NBPF3: variants seen among roughly 807,000 people sequenced by gnomAD.
The protein encoded by NBPF3 is NBPF family member NBPF3.
NBPF3 carries 57 observed loss-of-function variants against 78.1 expected under a neutral mutation model. That is an observed-to-expected ratio of 0.73 (90% confidence interval 0.59 to 0.91). The LOEUF (loss-of-function observed/expected upper bound fraction) is 0.91, where lower values mean the gene tolerates loss of function less well. Among genes scored for constraint, NBPF3 ranks in the 40% least tolerant of loss-of-function variants. The pLI is 0.00. For missense variants in NBPF3, 510 were observed against 715.3 expected (o/e 0.71, Z 3.27); for synonymous variants, 182 against 271.7 (o/e 0.67, Z 3.25).
At chr1:21,461,360 T>TA (rs1337073333) in intron 2 of NBPF3, among the ~76,000 whole-genome samples, 4 of 147,904 alleles carry the variant, frequency 2.7e-5, no homozygotes, top group Admixed American at 1.4e-4. Context: ...AACAATAGGA[T>TA]ATTACTTGGC....
chr1:21,472,965 G>A (rs766570627), intron 6 of NBPF3, 50 bp downstream of exon 6: 1 of 1,352,126 alleles, frequency 7.4e-7, no homozygotes, highest in South Asian at 1.2e-5. Context: ...ATATGAAAAA[G>A]GTCTAGGAGG....
At chr1:21,440,580 G>C (rs1640577646) in intron 1 of NBPF3, among the ~76,000 whole-genome samples, 1 of 152,204 alleles carries the variant, frequency 6.6e-6, no homozygotes, top group African/African-American at 2.4e-5. Flanking sequence ...AAACTCGCTG[G>C]CGGGTGTTCT....
chr1:21,479,848 G>GTGTGTGTGTGTGTGTGTGTC (rs746655034), intron 10 of NBPF3, among the ~76,000 whole-genome samples: 1 of 121,784 alleles, frequency 8.2e-6, no homozygotes, highest in Non-Finnish European at 1.8e-5. Context: ...GTGTGTGTGT[G>GTGTGTGTGTGTGTGTGTGTC]TGTGTATGTG....
intron 1 of NBPF3, among the ~76,000 whole-genome samples, chr1:21,442,753 C>T (rs1419228669): frequency 2.6e-5 from 4 of 151,964 alleles, no homozygotes; most frequent in Admixed American, 6.5e-5. Context: ...ACCTCCATCT[C>T]CTGGCTCAAG....
intron 8 of NBPF3, 148 bp downstream of exon 8, chr1:21,475,099 T>C: frequency 1.4e-6 from 1 of 707,802 alleles, no homozygotes; most frequent in East Asian, 3.1e-5. Flanking sequence ...ACATTATTTG[T>C]GGCCCTTGTG....
rs747693353 is a variant in NBPF3 at position 21,473,525 on chromosome 1, T to C, written c.880T>C (p.Ser294Pro). 6.2e-7 allele frequency: 1 copy of C among 1,614,246 alleles called. No homozygotes were observed. Among genetic ancestry groups the C allele is most frequent in the Non-Finnish European group, 8.5e-7 (1 of 1,180,048 alleles). The change falls in exon 7 of 15, where the codon TCA becomes CCA. Residue 294 changes from serine to proline, a missense_variant. This residue lies in a region of NBPF3 where 440 missense variants were observed against 478.2 expected (regional missense o/e 0.92). Transcript: ENST00000318249. The stretch of plus-strand genomic sequence containing the variant: ...CACATTTGAGGAAGACCAAGTCGAC[T>C]CAACTCTCATTGACTCATCCTCTCA... ...RITFEEDQVDSTLIDSSSHDE... is the reference protein window; with the variant it reads ...RITFEEDQVDPTLIDSSSHDE...
Position 21,468,725 on chromosome 1 carries a change from G to T in NBPF3, c.171G>T (p.Met57Ile), listed in dbSNP as rs778127881. 36 of 1,613,388 alleles carry T rather than the reference G, an allele frequency of 2.2e-5. 2 individuals carry two copies. In the South Asian group the frequency reaches 3.6e-4, roughly 16 times the overall value. Residue 57 changes from methionine (M) to isoleucine (I), a missense_variant, in exon 3 of 15, where the codon ATG becomes ATT. Physicochemically the swap from Met to Ile is conservative, Grantham distance 10. This residue lies in a region of NBPF3 where 440 missense variants were observed against 478.2 expected (regional missense o/e 0.92). Transcript: ENST00000318249. ...GPTSSATNVS[M>I]VVSAGPWSGE... ...CCTCTTCTGCCACAAACGTCAGCATGGTGGTATCTGCCGGCCCTTGGTCCG... is the reference window on the plus strand; with the variant it reads ...CCTCTTCTGCCACAAACGTCAGCATTGTGGTATCTGCCGGCCCTTGGTCCG...
intron 1 of NBPF3, chr1:21,442,322 C>G (rs1326052497): frequency 1.3e-5 from 2 of 152,150 alleles, no homozygotes; most frequent in African/African-American, 4.8e-5. Flanking sequence ...CTCAGATGAT[C>G]CCCCTGCCTC....
intron 2 of NBPF3, chr1:21,467,178 A>T (rs1283378660): frequency 1.0e-6 from 1 of 985,492 alleles, no homozygotes; most frequent in Non-Finnish European, 1.2e-6. Flanking sequence ...CGGTTTCCTT[A>T]CAGTGTCATT....
At chr1:21,457,451 A>G (rs1211215204) in intron 2 of NBPF3, among the ~76,000 whole-genome samples, 1 of 151,742 alleles carries the variant, frequency 6.6e-6, no homozygotes, top group Admixed American at 6.6e-5. Flanking sequence ...ATAAGAAACA[A>G]CACAATGAAA....
intron 2 of NBPF3, among the ~76,000 whole-genome samples, chr1:21,449,460 T>G (rs1195822325): frequency 6.6e-6 from 1 of 151,380 alleles, no homozygotes; most frequent in Admixed American, 6.6e-5. Context: ...CGAACCATCT[T>G]TATTTATTTA....
chr1:21,441,658 G>A (rs1345997719), intron 1 of NBPF3, among the ~76,000 whole-genome samples: 2 of 147,282 alleles, frequency 1.4e-5, no homozygotes, highest in Admixed American at 6.9e-5. Flanking sequence ...AGTGAGCCGT[G>A]ATCATGGCAG....
chr1:21,456,351 C>T (rs904842653), intron 2 of NBPF3, among the ~76,000 whole-genome samples: 3 of 152,166 alleles, frequency 2.0e-5, no homozygotes, highest in African/African-American at 7.2e-5. Flanking sequence ...TATGCTGAGC[C>T]ATCCTTAGTA....
chr1:21,455,005 G>A (rs1158978658), intron 2 of NBPF3, among the ~76,000 whole-genome samples: 1 of 152,110 alleles, frequency 6.6e-6, no homozygotes, highest in African/African-American at 2.4e-5. Flanking sequence ...TCAGTTCCTT[G>A]TGACTGTAGG....
chr1:21,467,919 T>G (rs1220427463), intron 2 of NBPF3, among the ~76,000 whole-genome samples: 2 of 151,924 alleles, frequency 1.3e-5, no homozygotes, highest in Admixed American at 1.3e-4. Flanking sequence ...GGTGCCCCAG[T>G]GAGAAAAAAG....
intron 2 of NBPF3, among the ~76,000 whole-genome samples, chr1:21,452,284 C>T (rs1641355702): frequency 6.6e-6 from 1 of 152,166 alleles, no homozygotes; most frequent in Admixed American, 6.5e-5. Flanking sequence ...AGAATTGGTT[C>T]AGTGGTTGTG....
Position 21,479,214 on chromosome 1 carries a change from G to A in NBPF3, c.1157-135G>A, listed in dbSNP as rs1643045687. On this transcript the variant is annotated intron_variant, in intron 9 of 14. Coordinates refer to ENST00000318249, the MANE Select transcript of NBPF3 (RefSeq NM_032264.6). ...TCAAGACTTGCCCTCAGGCCTCCTG[G>A]TATATTTCTCTCAAAGTCTCCTATT... The A allele has an allele frequency of 1.8e-5, 18 of 973,816 alleles. No homozygotes were observed. In the South Asian group the frequency reaches 2.4e-4, roughly 13 times the overall value. 60.3% of individuals were successfully genotyped at this position (973,816 alleles called of 1,614,324 possible).
chr1:21,446,586 C>T (rs996885629), intron 2 of NBPF3: 6 of 143,620 alleles, frequency 4.2e-5, no homozygotes, highest in African/African-American at 1.5e-4. Context: ...CTCCCTCCCT[C>T]CCTTCTTTCC....
At chr1:21,461,450 C>T (rs1351374036) in intron 2 of NBPF3, among the ~76,000 whole-genome samples, 1 of 152,150 alleles carries the variant, frequency 6.6e-6, no homozygotes, top group East Asian at 1.9e-4. Flanking sequence ...GAAGTCAAAA[C>T]AAGAGGAAGT....
Sources: allele counts gnomAD v4.1 joint callset (sites outside exome capture counted in the v4.1 genomes callset), GRCh38; gene constraint gnomAD v4.1.1; regional missense constraint gnomAD v4.1.1; transcripts MANE v1.5; gene names NCBI Gene and HGNC (gene_info 2026-07-23, HGNC 2026-07-21).